The following UVRAG variants were observed in gnomAD, a reference collection of about 807,000 sequenced individuals.
UVRAG encodes UV radiation resistance associated.
In UVRAG, 19 loss-of-function variants were observed where a neutral mutation model predicts 78.0. That is an observed-to-expected ratio of 0.24 (90% confidence interval 0.17 to 0.36). UVRAG has a LOEUF of 0.36. Among genes scored for constraint, UVRAG ranks in the 10% least tolerant of loss-of-function variants. The pLI is 1.00. For synonymous variants in UVRAG, 323 were observed against 324.6 expected (o/e 1.00, Z 0.05); for missense variants, 740 against 853.8 (o/e 0.87, Z 1.66).
At chr11:76,131,348 A>G (rs1952510096) in intron 14 of UVRAG, among the ~76,000 whole-genome samples, 1 of 152,176 alleles carries the variant, frequency 6.6e-6, no homozygotes, top group African/African-American at 2.4e-5. Flanking sequence ...GCTCTCGGCA[A>G]TAGGCACCCC....
intron 1 of UVRAG, among the ~76,000 whole-genome samples, chr11:75,849,285 C>A (rs1946102507): frequency 6.6e-6 from 1 of 151,866 alleles, no homozygotes; most frequent in Non-Finnish European, 1.5e-5. Context: ...GCGGGCGGAT[C>A]ACGAGGTCAG....
At chr11:75,984,754 G>A (rs752307824) in intron 8 of UVRAG, among the ~76,000 whole-genome samples, 1 of 152,166 alleles carries the variant, frequency 6.6e-6, no homozygotes, top group Non-Finnish European at 1.5e-5. Flanking sequence ...ATATGTACAT[G>A]TGGTGGCTCT....
At chr11:76,022,175 TA>T in intron 12 of UVRAG, among the ~76,000 whole-genome samples, 1 of 152,378 alleles carries the variant, frequency 6.6e-6, no homozygotes, top group African/African-American at 2.4e-5. Context: ...ATGATTGTAA[TA>T]TTTTTTAAAT....
chr11:76,037,803 AGAATTT>A (rs1263730179), intron 12 of UVRAG, among the ~76,000 whole-genome samples: 1 of 152,200 alleles, frequency 6.6e-6, no homozygotes, highest in African/African-American at 2.4e-5. Context: ...AATGGTAGGC[AGAATTT>A]GAAACAGCAC....
chr11:75,824,504 A>T (rs960627446), intron 1 of UVRAG, among the ~76,000 whole-genome samples: 10 of 152,008 alleles, frequency 6.6e-5, no homozygotes, highest in African/African-American at 2.4e-4. Context: ...ACTGACTAGA[A>T]ATAGAGCACA....
chr11:75,878,914 GGAGGGAGAGGGA>G (rs71871732), intron 3 of UVRAG, among the ~76,000 whole-genome samples: 45 of 141,930 alleles, frequency 3.2e-4, no homozygotes, highest in African/African-American at 1.2e-3. Context: ...AGGGGGAGGG[GGAGGGAGAGGGA>G]GAGGGAGAGG....
At chr11:75,929,261 C>T (rs1207879259) in intron 6 of UVRAG, among the ~76,000 whole-genome samples, 1 of 152,064 alleles carries the variant, frequency 6.6e-6, no homozygotes, top group Admixed American at 6.5e-5. Flanking sequence ...AAAAAGAATG[C>T]TTGTTAATTA....
intron 9 of UVRAG, among the ~76,000 whole-genome samples, chr11:76,006,811 C>CT (rs1949953503): frequency 6.6e-6 from 1 of 151,172 alleles, no homozygotes; most frequent in South Asian, 2.1e-4. Context: ...ATATAGAATA[C>CT]TTTTTGAGGA....
chr11:75,825,751 C>G (rs1945496304), intron 1 of UVRAG, among the ~76,000 whole-genome samples: 1 of 152,056 alleles, frequency 6.6e-6, no homozygotes, highest in Non-Finnish European at 1.5e-5. Flanking sequence ...TGTCTTGTGT[C>G]TTGTTCCTGC....
intron 7 of UVRAG, among the ~76,000 whole-genome samples, chr11:75,971,555 A>G (rs781145465): frequency 6.6e-6 from 1 of 152,164 alleles, no homozygotes; most frequent in Non-Finnish European, 1.5e-5. Context: ...GTCGTATCAC[A>G]TTGTTGTTTT....
At chr11:76,129,933 G>T (rs778853559) in intron 14 of UVRAG, among the ~76,000 whole-genome samples, 3 of 145,070 alleles carry the variant, frequency 2.1e-5, no homozygotes, top group African/African-American at 2.7e-5. Context: ...ACTCTCTCTC[G>T]CTCTCTCTCT....
chr11:76,048,270 C>T (rs1042500709), intron 12 of UVRAG, among the ~76,000 whole-genome samples: 1 of 152,218 alleles, frequency 6.6e-6, no homozygotes, highest in Non-Finnish European at 1.5e-5. Context: ...CAGCTAACAT[C>T]TGACTGACCC....
At chr11:75,828,731 G>T in intron 1 of UVRAG, among the ~76,000 whole-genome samples, 1 of 110,808 alleles carries the variant, frequency 9.0e-6, no homozygotes, top group African/African-American at 3.7e-5. Context: ...ATGTGTGTGT[G>T]TATATATATA....
At chr11:75,940,113 C>G (rs770247311) in intron 6 of UVRAG, among the ~76,000 whole-genome samples, 8 of 152,080 alleles carry the variant, frequency 5.3e-5, no homozygotes, top group Non-Finnish European at 8.8e-5. Flanking sequence ...ATGTAGCAGG[C>G]AAATGGTACA....
At chr11:76,131,692 C>A (rs190069545) in intron 14 of UVRAG, among the ~76,000 whole-genome samples, 1 of 152,274 alleles carries the variant, frequency 6.6e-6, no homozygotes, top group African/African-American at 2.4e-5. Context: ...TATTTTGTTT[C>A]ATGTTTTTGT....
chr11:76,137,265 C>G (rs566797051), intron 14 of UVRAG: 67 of 451,986 alleles, frequency 1.5e-4, no homozygotes, highest in South Asian at 6.4e-4. Flanking sequence ...GGCACTGATT[C>G]AACCACCCAC....
At chr11:75,876,961 A>AG (rs1408955556) in intron 3 of UVRAG, among the ~76,000 whole-genome samples, 1 of 151,414 alleles carries the variant, frequency 6.6e-6, no homozygotes, top group East Asian at 1.9e-4. Flanking sequence ...AAGTGAACAA[A>AG]GGTCTCTGGT....
At chr11:75,872,572 A>ATT (rs1946678280) in intron 3 of UVRAG, among the ~76,000 whole-genome samples, 1 of 151,968 alleles carries the variant, frequency 6.6e-6, no homozygotes, top group Non-Finnish European at 1.5e-5. Flanking sequence ...ATTTTTTAGT[A>ATT]GAGGTGGGGT....
At chr11:75,901,840 A>G (rs190025399) in intron 5 of UVRAG, among the ~76,000 whole-genome samples, 7 of 152,242 alleles carry the variant, frequency 4.6e-5, no homozygotes, top group South Asian at 2.1e-4. Flanking sequence ...TGTTCACGTC[A>G]GTTTTAGCTA....
Sources: gnomAD v4.1 joint callset for allele counts (sites outside exome capture counted in the v4.1 genomes callset) on GRCh38, gnomAD v4.1.1 for gene constraint, MANE v1.5 for transcripts, NCBI Gene and HGNC (gene_info 2026-07-23, HGNC 2026-07-21) for gene names.